The following TLK2 variants were observed in gnomAD, a reference collection of about 807,000 sequenced individuals.
The protein encoded by TLK2 is tousled like kinase 2, also known as serine/threonine-protein kinase tousled-like 2.
Under a neutral mutation model 117.3 loss-of-function variants are expected in TLK2, and 6 were observed. The observed-to-expected ratio is 0.05, with a 90% CI of 0.03 to 0.10. TLK2 has a LOEUF of 0.10. TLK2 is among the 10% of genes least tolerant of loss of function. The pLI is 1.00. For missense variants in TLK2, 299 were observed against 901.2 expected (o/e 0.33, Z 8.56); for synonymous variants, 257 against 316.7 (o/e 0.81, Z 2.00).
Position 62,576,748 on chromosome 17 carries a change from C to T in TLK2, c.1161C>T (p.Phe387=). Residue 387 remains phenylalanine (F), a synonymous_variant, in exon 13 of 22, where the codon TTC becomes TTT. Coordinates refer to ENST00000346027, the MANE Select transcript of TLK2 (RefSeq NM_006852.6). ...AATACCATGAACAAGAAGAAATCTT[C>T]AAACTCAGATTAGGTCATCTTAAAA... The part of the protein sequence containing the change: ...LAEYHEQEEI[F]KLRLGHLKKE... 6.2e-7 allele frequency: 1 copy of T among 1,613,444 alleles called. No homozygotes were observed. The highest frequency in any genetic ancestry group is 8.5e-7 in the Non-Finnish European group (1 of 1,179,574).
intron 7 of TLK2, among the ~76,000 whole-genome samples, chr17:62,547,517 C>T (rs1012315869): frequency 2.6e-5 from 4 of 151,920 alleles, no homozygotes; most frequent in African/African-American, 9.7e-5. Flanking sequence ...TTGTGTAGTA[C>T]CTTTTACCTT....
At position 62,522,224 on chromosome 17, in the gene TLK2, T is replaced by C; in HGVS notation, c.174T>C (p.Asn58=). 2 of 1,613,466 alleles carry C rather than the reference T, an allele frequency of 1.2e-6. No homozygotes were observed. The highest frequency in any genetic ancestry group is 1.7e-6 in the Non-Finnish European group (2 of 1,179,804). The change falls in exon 4 of 22, where the codon AAT becomes AAC. Residue 58 remains asparagine (N), a synonymous_variant. Coordinates refer to ENST00000346027, the MANE Select transcript of TLK2 (RefSeq NM_006852.6). The part of the protein sequence containing the change: ...KEVETPEKKQ[N]DQRNRKRKAE... ...GACAGACTCCCGAGAAAAAGCAGAATGACCAGCGAAATCGGAAAAGAAAAG... is the reference window on the plus strand; with the variant it reads ...GACAGACTCCCGAGAAAAAGCAGAACGACCAGCGAAATCGGAAAAGAAAAG...
intron 2 of TLK2, among the ~76,000 whole-genome samples, chr17:62,510,038 G>A (rs990130131): frequency 8.5e-5 from 13 of 152,158 alleles, no homozygotes; most frequent in African/African-American, 2.7e-4. Context: ...CAGCACTTTC[G>A]GAGGTAGAGG....
At chr17:62,603,272 C>T (rs191563702) in intron 19 of TLK2, among the ~76,000 whole-genome samples, 5 of 152,218 alleles carry the variant, frequency 3.3e-5, no homozygotes, top group Admixed American at 2.6e-4. Context: ...CACAATGCCC[C>T]GGTTTCTGTT....
chr17:62,559,157 A>T (rs1239455704), intron 9 of TLK2, among the ~76,000 whole-genome samples: 2 of 152,118 alleles, frequency 1.3e-5, no homozygotes, highest in Non-Finnish European at 2.9e-5. Flanking sequence ...TTAGCTGTAT[A>T]TTTACATTCT....
chr17:62,473,167 G>T (rs1453273810), intron 1 of TLK2, among the ~76,000 whole-genome samples: 1 of 152,134 alleles, frequency 6.6e-6, no homozygotes, highest in Non-Finnish European at 1.5e-5. Flanking sequence ...CTGGCTCCAG[G>T]TTGCAGAGCT....
intron 11 of TLK2, among the ~76,000 whole-genome samples, chr17:62,570,090 A>ATATTGGATTAAGGTCCT: frequency 6.6e-6 from 1 of 152,244 alleles, no homozygotes; most frequent in South Asian, 2.1e-4. Context: ...GATACCGGTC[A>ATATTGGATTAAGGTCCT]TATTGGATTA....
At chr17:62,521,242 CTT>C (rs2076025416) in intron 3 of TLK2, among the ~76,000 whole-genome samples, 1 of 152,140 alleles carries the variant, frequency 6.6e-6, no homozygotes, top group South Asian at 2.1e-4. Flanking sequence ...GCTGTGTGCT[CTT>C]TGCATACGTA....
chr17:62,475,682 C>T (rs1306898301), upstream of TLK2, among the ~76,000 whole-genome samples: 3 of 149,612 alleles, frequency 2.0e-5, no homozygotes, highest in Non-Finnish European at 3.0e-5. Flanking sequence ...TTTTTTGAGA[C>T]GGAGTCTCGC....
At chr17:62,543,213 C>A (rs1255315334) in intron 7 of TLK2, among the ~76,000 whole-genome samples, 3 of 152,050 alleles carry the variant, frequency 2.0e-5, no homozygotes, top group Non-Finnish European at 4.4e-5. Flanking sequence ...TAGAATCGTT[C>A]TTTTTTGGTG....
intron 2 of TLK2, among the ~76,000 whole-genome samples, chr17:62,495,247 T>G (rs942536005): frequency 6.6e-6 from 1 of 151,944 alleles, no homozygotes; most frequent in African/African-American, 2.4e-5. Context: ...ATCACACCAT[T>G]GCAGTCTAGC....
rs1215457415 is a variant in TLK2 at position 62,479,469 on chromosome 17, G to C, written c.-6+179G>C. Among the ~76,000 whole-genome samples the C allele has an allele frequency of 1.5e-4, 23 of 152,062 alleles. 1 individual carries two copies. The highest frequency in any genetic ancestry group is 8.8e-5 in the Non-Finnish European group (6 of 67,948). On this transcript the variant is annotated intron_variant, in intron 1 of 21. Coordinates refer to ENST00000346027, the MANE Select transcript of TLK2 (RefSeq NM_006852.6). ...GAGGGCTGCGGGTCGCTGAGGGGCC[G>C]GGCAGAAGATGGGGGAGGCCCAGGC...
intron 7 of TLK2, among the ~76,000 whole-genome samples, chr17:62,537,807 T>C (rs577168444): frequency 2.0e-5 from 3 of 152,314 alleles, no homozygotes; most frequent in African/African-American, 7.2e-5. Context: ...GGGAAACTTC[T>C]TGTGTGAAGA....
At chr17:62,610,907 A>C (rs2083702380) in intron 21 of TLK2, among the ~76,000 whole-genome samples, 1 of 152,200 alleles carries the variant, frequency 6.6e-6, no homozygotes, top group South Asian at 2.1e-4. Flanking sequence ...TGGGAAGATG[A>C]GGTGGCAGGA....
At chr17:62,504,038 A>G (rs577895792) in intron 2 of TLK2, among the ~76,000 whole-genome samples, 2 of 152,216 alleles carry the variant, frequency 1.3e-5, no homozygotes, top group South Asian at 2.1e-4. Context: ...TCGGCCAGTT[A>G]TATCTTAAAT....
intron 11 of TLK2, among the ~76,000 whole-genome samples, chr17:62,568,994 C>T (rs1598643935): frequency 6.7e-6 from 1 of 149,270 alleles, no homozygotes. Context: ...TATATTCAAT[C>T]CTGGGAATCT....
intron 13 of TLK2, 93 bp from the exon 14 acceptor site, chr17:62,578,384 C>A: frequency 1.0e-6 from 1 of 966,626 alleles, no homozygotes; most frequent in Non-Finnish European, 1.6e-6. Flanking sequence ...TTTAGCCTTT[C>A]ATAAGATAAA....
upstream of TLK2, among the ~76,000 whole-genome samples, chr17:62,477,291 C>G (rs192044490): frequency 5.5e-3 from 844 of 152,230 alleles, 6 homozygotes; most frequent in African/African-American, 0.018. Flanking sequence ...CCCTCTACCC[C>G]CAACCCGCGA....
At position 62,596,554 on chromosome 17, in the gene TLK2, C is replaced by T. The variant is rs747325259; in HGVS notation, c.1461-31C>T. 5.1e-6 allele frequency: 8 copies of T among 1,558,358 alleles called. No individual in the cohort carries two copies. The East Asian group carries it at 1.6e-4, about 31-fold the overall frequency. On this transcript the variant is annotated intron_variant, in intron 16 of 21. Coordinates refer to ENST00000346027, the MANE Select transcript of TLK2 (RefSeq NM_006852.6). ...GAGTTCTAAAAGGCAGGCCAATATA[C>T]CTTCTTGTTAATTTTCCCTTTTGTT...
Sources: gnomAD v4.1 joint callset for allele counts (sites outside exome capture counted in the v4.1 genomes callset) on GRCh38, gnomAD v4.1.1 for gene constraint, MANE v1.5 for transcripts, NCBI Gene and HGNC (gene_info 2026-07-23, HGNC 2026-07-21) for gene names.